Variants in TCF4 observed in about 807,000 individuals in gnomAD.
TCF4 encodes the protein transcription factor 4, also known as SL3-3 enhancer factor 2.
In TCF4, 3 loss-of-function variants were observed where a neutral mutation model predicts 82.1. That is an observed-to-expected ratio of 0.04 (90% CI 0.02 to 0.09). The LOEUF (loss-of-function observed/expected upper bound fraction) is 0.09. Ranked by LOEUF, TCF4 falls within the 10% of genes least tolerant of loss-of-function variation. The probability of loss-of-function intolerance (pLI) is 1.00; values close to 1 mark genes in which losing one functional copy is unlikely to be tolerated. For missense variants in TCF4, 518 were observed against 852.7 expected (o/e 0.61, Z 4.89); for synonymous variants, 276 against 309.6 (o/e 0.89, Z 1.14).
At chr18:55,343,822 T>C (rs1264027965) in intron 8 of TCF4, among the ~76,000 whole-genome samples, 1 of 152,126 alleles carries the variant, frequency 6.6e-6, no homozygotes, top group Non-Finnish European at 1.5e-5. Flanking sequence ...CTCCTATTCC[T>C]TTAAAAGAAG....
intron 5 of TCF4, among the ~76,000 whole-genome samples, chr18:55,412,209 A>T (rs566830677): frequency 2.0e-5 from 3 of 152,096 alleles, no homozygotes; most frequent in Admixed American, 6.6e-5. Context: ...GCACTCACCT[A>T]TTTACGCAGA....
chr18:55,297,195 A>T (rs369599943), intron 8 of TCF4, among the ~76,000 whole-genome samples: 1,271 of 101,062 alleles, frequency 0.013, 18 homozygotes, highest in South Asian at 0.045. Context: ...GGAAGCCATG[A>T]TTTCCAAATA....
chr18:55,546,242 G>T (rs1410961027), intron 3 of TCF4, among the ~76,000 whole-genome samples: 1 of 152,148 alleles, frequency 6.6e-6, no homozygotes. Flanking sequence ...AGGAGGCTGA[G>T]GTGGGAGGAT....
intron 3 of TCF4, among the ~76,000 whole-genome samples, chr18:55,506,180 G>T (rs1376800720): frequency 1.3e-5 from 2 of 152,152 alleles, no homozygotes; most frequent in Non-Finnish European, 2.9e-5. Context: ...TTTTATCATT[G>T]TTCTAGATCA....
At chr18:55,602,391 A>T (rs1000589771) in intron 2 of TCF4, among the ~76,000 whole-genome samples, 1 of 152,104 alleles carries the variant, frequency 6.6e-6, no homozygotes, top group Non-Finnish European at 1.5e-5. Flanking sequence ...TCCTTTACTA[A>T]TCTTGTTCCA....
At chr18:55,274,174 G>A (rs1331430084) in intron 10 of TCF4, among the ~76,000 whole-genome samples, 1 of 152,096 alleles carries the variant, frequency 6.6e-6, no homozygotes. Context: ...TAGCCAAAAC[G>A]GATTCTAGCA....
At chr18:55,271,105 C>A (rs2060257723) in intron 10 of TCF4, among the ~76,000 whole-genome samples, 1 of 152,032 alleles carries the variant, frequency 6.6e-6, no homozygotes, top group African/African-American at 2.4e-5. Flanking sequence ...ACCATAGTCT[C>A]TTGAGTGTTG....
chr18:55,396,447 G>T (rs534530803), intron 6 of TCF4, among the ~76,000 whole-genome samples: 2 of 152,152 alleles, frequency 1.3e-5, no homozygotes, highest in African/African-American at 4.8e-5. Context: ...TCTGGATTGT[G>T]CAAGGACTGA....
At chr18:55,505,875 A>C (rs1336823064) in intron 3 of TCF4, among the ~76,000 whole-genome samples, 1 of 152,156 alleles carries the variant, frequency 6.6e-6, no homozygotes, top group East Asian at 1.9e-4. Flanking sequence ...AAATCTGGGA[A>C]ACATACACCC....
chr18:55,624,705 A>C (rs967928484), intron 2 of TCF4, among the ~76,000 whole-genome samples: 3 of 152,262 alleles, frequency 2.0e-5, no homozygotes, highest in Non-Finnish European at 4.4e-5. Context: ...TTCTGAAAAC[A>C]AACCAACCCT....
intron 8 of TCF4, among the ~76,000 whole-genome samples, chr18:55,316,615 A>C (rs2074206763): frequency 1.3e-5 from 2 of 152,154 alleles, no homozygotes; most frequent in Non-Finnish European, 2.9e-5. Context: ...TTTAGTAGAA[A>C]CAAAACAACA....
chr18:55,464,059 AG>A lies in TCF4; in HGVS notation c.207+16del. ...GTGGGATGTCTGGTTGTGGGAGAAA[AG>A]ATTAGATATACTTACCCTGGACGGG... On this transcript the variant is annotated intron_variant, in intron 4 of 19. Transcript: ENST00000354452. The A allele has an allele frequency of 6.2e-7, 1 of 1,613,152 alleles. No individual in the cohort carries two copies. Among genetic ancestry groups the A allele is most frequent in the Non-Finnish European group, 8.5e-7 (1 of 1,179,288 alleles).
chr18:55,584,294 A>T (rs374245658), intron 3 of TCF4, among the ~76,000 whole-genome samples: 1 of 152,126 alleles, frequency 6.6e-6, no homozygotes, highest in Non-Finnish European at 1.5e-5. Flanking sequence ...CAGTTAAAAG[A>T]TGTCAACATT....
At chr18:55,569,170 T>C (rs1042397348) in intron 3 of TCF4, among the ~76,000 whole-genome samples, 1 of 150,812 alleles carries the variant, frequency 6.6e-6, no homozygotes, top group Non-Finnish European at 1.5e-5. Flanking sequence ...TTGCCATTCC[T>C]ATTTAACAGT....
intron 3 of TCF4, among the ~76,000 whole-genome samples, chr18:55,509,234 A>T (rs1031413019): frequency 6.6e-6 from 1 of 151,934 alleles, no homozygotes; most frequent in African/African-American, 2.4e-5. Flanking sequence ...CCATTATATA[A>T]AAAAAAACTT....
chr18:55,388,133 C>T (rs2092752856), intron 6 of TCF4, among the ~76,000 whole-genome samples: 3 of 152,142 alleles, frequency 2.0e-5, no homozygotes, highest in South Asian at 2.1e-4. Context: ...TTTTTTATGT[C>T]CTACAACAAG....
At chr18:55,627,215 A>C (rs1293484697) in intron 2 of TCF4, among the ~76,000 whole-genome samples, 1 of 152,182 alleles carries the variant, frequency 6.6e-6, no homozygotes, top group Non-Finnish European at 1.5e-5. Context: ...CTGTGTGTTC[A>C]TTCTATGAAC....
intron 15 of TCF4, among the ~76,000 whole-genome samples, chr18:55,254,046 A>C (rs2056074155): frequency 6.6e-6 from 1 of 152,248 alleles, no homozygotes; most frequent in Non-Finnish European, 1.5e-5. Context: ...TTGACAATAA[A>C]AATGAATAAA....
intron 8 of TCF4, among the ~76,000 whole-genome samples, chr18:55,348,846 T>C (rs1418553260): frequency 1.3e-5 from 2 of 152,174 alleles, no homozygotes; most frequent in Non-Finnish European, 2.9e-5. Flanking sequence ...AGTTATTCCA[T>C]TGTTTCAGAA....
Sources: allele counts gnomAD v4.1 joint callset (sites outside exome capture counted in the v4.1 genomes callset), GRCh38; gene constraint gnomAD v4.1.1; transcripts MANE v1.5; gene names NCBI Gene and HGNC (gene_info 2026-07-23, HGNC 2026-07-21).